The following MAP4 variants were observed in gnomAD, a reference collection of about 807,000 sequenced individuals.
MAP4 encodes the protein microtubule associated protein 4.
Under a neutral mutation model 170.2 loss-of-function variants are expected in MAP4, and 76 were observed. That is an observed-to-expected ratio of 0.45 (90% CI 0.37 to 0.54). The LOEUF (loss-of-function observed/expected upper bound fraction) is 0.54. Among genes scored for constraint, MAP4 ranks in the 20% least tolerant of loss-of-function variants. The probability of loss-of-function intolerance (pLI) is 0.00; values close to 1 mark genes in which losing one functional copy is unlikely to be tolerated. For missense variants in MAP4, 2,506 were observed against 2,748.0 expected (o/e 0.91, Z 1.97); for synonymous variants, 909 against 994.5 (o/e 0.91, Z 1.62).
intron 1 of MAP4, 89 bp from the exon 2 acceptor site, chr3:47,998,968 C>T (rs1056451337): frequency 5.3e-6 from 4 of 748,518 alleles, no homozygotes; most frequent in Admixed American, 2.5e-5. Context: ...TTGAAACAAA[C>T]AAAAGAATCA....
At chr3:47,952,725 C>T (rs2100065246) in intron 3 of MAP4, among the ~76,000 whole-genome samples, 1 of 151,298 alleles carries the variant, frequency 6.6e-6, no homozygotes, top group African/African-American at 2.4e-5. Context: ...GAGTTCGAGA[C>T]CAGCCTGGCC....
chr3:48,086,746 G>A (rs1275192894), intron 1 of MAP4, among the ~76,000 whole-genome samples: 1 of 152,170 alleles, frequency 6.6e-6, no homozygotes, highest in Non-Finnish European at 1.5e-5. Flanking sequence ...AGGCAGCCCA[G>A]AACAATGGAG....
chr3:47,896,562 T>C (rs2100026993), intron 10 of MAP4, among the ~76,000 whole-genome samples: 1 of 151,798 alleles, frequency 6.6e-6, no homozygotes, highest in South Asian at 2.1e-4. Flanking sequence ...ACCAAGAAAC[T>C]GTACATATAT....
At position 47,875,751 on chromosome 3, in the gene MAP4, T is replaced by C. The variant is rs1307740989; in HGVS notation, c.5691A>G (p.Pro1897=). Residue 1897 remains proline, a synonymous_variant, in exon 12 of 21, where the codon CCA becomes CCG. Coordinates refer to ENST00000683076, the MANE Select transcript of MAP4 (RefSeq NM_001385682.1). ...CAGAGGCGACGGCAGGGCGTTTGGG[T>C]GGGGCAGCTGGCACTAAGCCTGAAG... ...SLASGLVPAA[P]PKRPAVASAR... is the part of the protein sequence containing the mutation. The C allele has an allele frequency of 6.2e-7, 1 of 1,613,838 alleles. No homozygotes were observed. Among genetic ancestry groups the C allele is most frequent in the Admixed American group, 1.7e-5 (1 of 59,946 alleles).
chr3:48,053,988 A>C lies in MAP4; in HGVS notation c.-20+34785T>G, dbSNP rs141487433. On this transcript the variant is annotated intron_variant, in intron 1 of 18. Transcript: ENST00000360240. ...CTACATTAAATAAAACTTTTGCAAA[A>C]AGAAAAAATAAATGTCATTTTAAAA... Among the ~76,000 whole-genome samples, 44 of 152,318 alleles carry C rather than the reference A, an allele frequency of 2.9e-4. 1 individual carries two copies. The highest frequency in any genetic ancestry group is 1.0e-3 in the African/African-American group (43 of 41,582).
At chr3:47,885,142 T>C (rs756245951) in intron 10 of MAP4, among the ~76,000 whole-genome samples, 10 of 152,218 alleles carry the variant, frequency 6.6e-5, no homozygotes, top group Non-Finnish European at 1.3e-4. Flanking sequence ...TTTGTTTTCT[T>C]TTTTCCTTTC....
At position 47,910,039 on chromosome 3, in the gene MAP4, A is replaced by G; in HGVS notation, c.4382T>C (p.Leu1461Ser). The change falls in exon 9 of 21, where the codon TTG (leucine) becomes TCG (serine). Residue 1461 changes from leucine (L) to serine (S), a missense_variant. Leu to Ser is a moderately radical substitution (Grantham distance 145). This residue lies in a region of MAP4 where 2,008 missense variants were observed against 2,206.0 expected (regional missense o/e 0.91). Transcript: ENST00000683076. ...VKEGDSFPDT[L>S]AKNGQEIAPA... is the part of the protein sequence containing the mutation. ...GGCTATCTCTTGCCCATTTTTTGCC[A>G]AGGTATCTGGAAAGGAATCACCTTC... 6.2e-7 allele frequency: 1 copy of G among 1,613,972 alleles called. No homozygotes were observed. Among genetic ancestry groups the G allele is most frequent in the Non-Finnish European group, 8.5e-7 (1 of 1,179,880 alleles).
Position 47,889,009 on chromosome 3 carries a change from G to A in MAP4, c.5435-11486C>T, listed in dbSNP as rs777589269. Among the ~76,000 whole-genome samples the A allele has an allele frequency of 6.6e-5, 10 of 152,256 alleles. No individual in the cohort carries two copies. In the East Asian group the frequency reaches 1.7e-3, roughly 26 times the overall value. ...ATGGAAATGACAGTCATGCAACATC[G>A]GAACCCTGACATATATGGTGGTAAC... On this transcript the variant is annotated intron_variant, in intron 10 of 20. Transcript: ENST00000683076.
At chr3:47,857,763 C>G (rs963765787) in intron 17 of MAP4, among the ~76,000 whole-genome samples, 12 of 151,434 alleles carry the variant, frequency 7.9e-5, no homozygotes, top group Admixed American at 7.9e-4. Context: ...GGCTGGAGTA[C>G]AGTGGTACGA....
intron 1 of MAP4, among the ~76,000 whole-genome samples, chr3:48,087,366 C>G (rs1163333435): frequency 2.6e-5 from 4 of 152,164 alleles, no homozygotes; most frequent in Non-Finnish European, 5.9e-5. Flanking sequence ...CACTCTAAAT[C>G]CATGTGCTCA....
At chr3:47,878,632 CCATT>C (rs1467620464) in intron 10 of MAP4, among the ~76,000 whole-genome samples, 1 of 152,018 alleles carries the variant, frequency 6.6e-6, no homozygotes, top group African/African-American at 2.4e-5. Flanking sequence ...CTCTGTCTCC[CCATT>C]CAAACAATTC....
chr3:47,971,473 AAGT>A (rs1486361889), intron 3 of MAP4, among the ~76,000 whole-genome samples: 1 of 152,362 alleles, frequency 6.6e-6, no homozygotes, highest in African/African-American at 2.4e-5. Flanking sequence ...TATTCTAAAA[AAGT>A]AGATTTACTG....
intron 11 of MAP4, 33 bp downstream of exon 11, chr3:47,877,384 G>T: frequency 1.3e-6 from 2 of 1,483,618 alleles, no homozygotes; most frequent in Non-Finnish European, 1.9e-6. Context: ...AAAAATTATG[G>T]CAGTAGAAGA....
intron 17 of MAP4, among the ~76,000 whole-genome samples, chr3:47,858,399 T>C (rs1228549699): frequency 1.3e-5 from 2 of 152,142 alleles, no homozygotes; most frequent in Non-Finnish European, 2.9e-5. Flanking sequence ...ACCCTGTCCA[T>C]GCATGCTCCA....
At chr3:47,967,286 GAA>G (rs1218994767) in intron 3 of MAP4, among the ~76,000 whole-genome samples, 5 of 152,288 alleles carry the variant, frequency 3.3e-5, no homozygotes, top group Middle Eastern at 3.4e-3. Flanking sequence ...AGTGAGCCAT[GAA>G]CGGGTCACTG....
intron 3 of MAP4, among the ~76,000 whole-genome samples, chr3:47,951,261 G>C (rs1426672873): frequency 6.6e-6 from 1 of 151,738 alleles, no homozygotes; most frequent in African/African-American, 2.4e-5. Flanking sequence ...TTTTTTTGTT[G>C]GTATGCTGAA....
upstream of MAP4, among the ~76,000 whole-genome samples, chr3:48,020,450 C>T (rs996242456): frequency 1.3e-5 from 2 of 152,088 alleles, no homozygotes; most frequent in African/African-American, 4.8e-5. Context: ...GTTCTAGGCA[C>T]GACTAAGGGT....
At chr3:47,941,052 T>C (rs959863020) in intron 3 of MAP4, among the ~76,000 whole-genome samples, 3 of 151,754 alleles carry the variant, frequency 2.0e-5, no homozygotes, top group African/African-American at 7.3e-5. Flanking sequence ...TAATTTTTTG[T>C]ATTTTTAGTA....
chr3:47,997,318 T>C (rs1362730066), intron 2 of MAP4, among the ~76,000 whole-genome samples: 1 of 49,996 alleles, frequency 2.0e-5, no homozygotes. Context: ...ACAACATATT[T>C]AAACTGCTAA....
Sources: gnomAD v4.1 joint callset for allele counts (sites outside exome capture counted in the v4.1 genomes callset) on GRCh38, gnomAD v4.1.1 for gene constraint, gnomAD v4.1.1 regional missense constraint, MANE v1.5 for transcripts, NCBI Gene and HGNC (gene_info 2026-07-23, HGNC 2026-07-21) for gene names.